EXOC6B: variants seen among roughly 807,000 people sequenced by gnomAD.
EXOC6B encodes SEC15 homolog B.
In EXOC6B, 54 loss-of-function variants were observed where a neutral mutation model predicts 113.5. The ratio of observed to expected loss-of-function variants is 0.48; its 90% CI spans 0.38 to 0.60. The LOEUF (loss-of-function observed/expected upper bound fraction) is 0.60. Among genes scored for constraint, EXOC6B ranks in the 20% least tolerant of loss-of-function variants. EXOC6B has a pLI of 0.00. For missense variants in EXOC6B, 797 were observed against 977.5 expected (o/e 0.82, Z 2.46); for synonymous variants, 357 against 339.0 (o/e 1.05, Z -0.58).
At chr2:72,247,107 A>G (rs1682711463) in intron 20 of EXOC6B, among the ~76,000 whole-genome samples, 1 of 152,226 alleles carries the variant, frequency 6.6e-6, no homozygotes, top group Non-Finnish European at 1.5e-5. Flanking sequence ...AGAAGATAGG[A>G]CTTTGTGCTA....
At chr2:72,550,919 ATTTT>A (rs761690851) in intron 8 of EXOC6B, among the ~76,000 whole-genome samples, 3 of 133,130 alleles carry the variant, frequency 2.3e-5, no homozygotes, top group African/African-American at 5.6e-5. Context: ...TTTTTTTTTT[ATTTT>A]TTTTTTTTTT....
intron 6 of EXOC6B, among the ~76,000 whole-genome samples, chr2:72,683,219 GTGTTTTTC>G: frequency 6.6e-6 from 1 of 152,156 alleles, no homozygotes; most frequent in East Asian, 1.9e-4. Flanking sequence ...GCAGAGCTAT[GTGTTTTTC>G]ATTGTGGATT....
intron 6 of EXOC6B, among the ~76,000 whole-genome samples, chr2:72,598,962 C>T (rs1019226413): frequency 3.2e-4 from 48 of 152,058 alleles, no homozygotes; most frequent in African/African-American, 1.1e-3. Context: ...AGCTGGTGAA[C>T]TCTACCATTT....
At chr2:72,736,164 TGAC>T (rs2104793844) in intron 2 of EXOC6B, among the ~76,000 whole-genome samples, 1 of 151,476 alleles carries the variant, frequency 6.6e-6, no homozygotes, top group East Asian at 1.9e-4. Flanking sequence ...CAGACTGGGT[TGAC>T]GGAGCAACAC....
At position 72,580,658 on chromosome 2, in the gene EXOC6B, G is replaced by C. The variant is rs565066403; in HGVS notation, c.670-4990C>G. ...ACCATCAGCAACCAGTTCTGAACAGGCCTGGAAGCATCACATAATATAACC... is the reference window on the plus strand; with the variant it reads ...ACCATCAGCAACCAGTTCTGAACAGCCCTGGAAGCATCACATAATATAACC... On this transcript the variant is annotated intron_variant, in intron 6 of 21. Coordinates refer to ENST00000272427, the MANE Select transcript of EXOC6B (RefSeq NM_015189.3). Among the ~76,000 whole-genome samples, 3 of 152,136 alleles carry C rather than the reference G, an allele frequency of 2.0e-5. No individual in the cohort carries two copies. In the South Asian group the frequency reaches 6.2e-4, roughly 32 times the overall value.
In EXOC6B at chr2:72,219,598, T is replaced by C. The variant is rs936731552; in HGVS notation, c.2197-35411A>G. ...TGTTTTCCTTCTCTTCCCTACTCTA[T>C]CTAACCTAAGCTAAGTCAAACAGGA... On this transcript the variant is annotated intron_variant, in intron 20 of 21. Transcript: ENST00000272427. Among the ~76,000 whole-genome samples the C allele has an allele frequency of 2.0e-5, 3 of 152,136 alleles. No individual in the cohort carries two copies. In the South Asian group the frequency reaches 6.2e-4, roughly 32 times the overall value.
At chr2:72,509,061 T>A (rs1466309076) in intron 11 of EXOC6B, among the ~76,000 whole-genome samples, 1 of 152,084 alleles carries the variant, frequency 6.6e-6, no homozygotes, top group Non-Finnish European at 1.5e-5. Context: ...CTTTGGGAGG[T>A]AATTAACATC....
chr2:72,387,210 T>C (rs1381964754), intron 18 of EXOC6B, among the ~76,000 whole-genome samples: 1 of 152,192 alleles, frequency 6.6e-6, no homozygotes, highest in Non-Finnish European at 1.5e-5. Flanking sequence ...TGTATCTTTT[T>C]AAAATATAAT....
At chr2:72,401,869 G>GA (rs1558631823) in intron 18 of EXOC6B, among the ~76,000 whole-genome samples, 1 of 148,546 alleles carries the variant, frequency 6.7e-6, no homozygotes, top group Admixed American at 6.8e-5. Flanking sequence ...AACAGCTAGA[G>GA]AAAAAAAATT....
At chr2:72,222,260 A>G (rs1396215766) in intron 20 of EXOC6B, among the ~76,000 whole-genome samples, 1 of 152,230 alleles carries the variant, frequency 6.6e-6, no homozygotes, top group Non-Finnish European at 1.5e-5. Flanking sequence ...CTGCTCTAGG[A>G]AAATGCAATG....
At chr2:72,622,839 C>T (rs143386499) in intron 6 of EXOC6B, among the ~76,000 whole-genome samples, 1 of 152,124 alleles carries the variant, frequency 6.6e-6, no homozygotes, top group East Asian at 1.9e-4. Context: ...TATGAAAATA[C>T]CAAGTGTAGT....
In EXOC6B at chr2:72,601,167, T is replaced by TGC. The variant is rs1270895831; in HGVS notation, c.670-25500_670-25499insGC. 2.1e-3 allele frequency among the ~76,000 whole-genome samples: 305 copies of TGC among 145,100 alleles called. 2 individuals carry two copies. Among genetic ancestry groups the TGC allele is most frequent in the African/African-American group, 5.0e-3 (194 of 38,816 alleles). ...GTGTGTGTGTGTGTGTGTGTGTGTG[T>TGC]GTGTGTGTGTATATCTTTTTTTCTT... On this transcript the variant is annotated intron_variant, in intron 6 of 21. Transcript: ENST00000272427.
intron 6 of EXOC6B, among the ~76,000 whole-genome samples, chr2:72,650,543 G>A (rs1004814887): frequency 5.3e-5 from 8 of 151,704 alleles, no homozygotes; most frequent in African/African-American, 1.5e-4. Flanking sequence ...GGAGTGAGCC[G>A]AGATCGCGCC....
At chr2:72,240,933 C>T (rs1350770193) in intron 20 of EXOC6B, among the ~76,000 whole-genome samples, 3 of 151,882 alleles carry the variant, frequency 2.0e-5, no homozygotes, top group Admixed American at 1.3e-4. Flanking sequence ...ACAAACAGGC[C>T]GGTGGATATA....
intron 1 of EXOC6B, among the ~76,000 whole-genome samples, chr2:72,771,235 AT>A (rs904126200): frequency 6.6e-6 from 1 of 152,214 alleles, no homozygotes; most frequent in Admixed American, 6.5e-5. Flanking sequence ...TATATTCTTT[AT>A]AATTGTTGTA....
At chr2:72,232,837 T>A (rs574598352) in intron 20 of EXOC6B, among the ~76,000 whole-genome samples, 7 of 152,286 alleles carry the variant, frequency 4.6e-5, no homozygotes, top group African/African-American at 1.7e-4. Context: ...TTTGGCAGGC[T>A]GAGGCGGGTG....
At chr2:72,390,825 G>C (rs921963059) in intron 18 of EXOC6B, among the ~76,000 whole-genome samples, 1 of 152,120 alleles carries the variant, frequency 6.6e-6, no homozygotes, top group African/African-American at 2.4e-5. Context: ...ATTGTGCTTA[G>C]CTTCTGTGCC....
At chr2:72,389,444 A>C (rs1054531516) in intron 18 of EXOC6B, among the ~76,000 whole-genome samples, 5 of 152,054 alleles carry the variant, frequency 3.3e-5, no homozygotes. Context: ...AAAAACAAAA[A>C]TTGAGTAAAA....
intron 8 of EXOC6B, among the ~76,000 whole-genome samples, chr2:72,524,254 T>G (rs1251509144): frequency 6.6e-6 from 1 of 152,020 alleles, no homozygotes; most frequent in Non-Finnish European, 1.5e-5. Flanking sequence ...AGCGGGATAT[T>G]ACACTTCACC....
Sources: gnomAD v4.1 joint callset for allele counts (sites outside exome capture counted in the v4.1 genomes callset) on GRCh38, gnomAD v4.1.1 for gene constraint, MANE v1.5 for transcripts, NCBI Gene and HGNC (gene_info 2026-07-23, HGNC 2026-07-21) for gene names.